The following CTNNA2 variants were observed in gnomAD, a reference collection of about 807,000 sequenced individuals.
The protein encoded by CTNNA2 is catenin alpha 2, also known as catenin alpha-2.
A neutral mutation model predicts 101.0 loss-of-function variants in CTNNA2; 42 were observed. The observed-to-expected ratio is 0.42, with a 90% CI of 0.32 to 0.54. The LOEUF (loss-of-function observed/expected upper bound fraction) is 0.54. Ranked by LOEUF, CTNNA2 falls within the 20% of genes least tolerant of loss-of-function variation. The pLI is 0.14. For synonymous variants in CTNNA2, 450 were observed against 456.4 expected, an observed-to-expected ratio of 0.99 and a Z score of 0.18; for missense variants, 871 against 1,223.1, an observed-to-expected ratio of 0.71 and a Z score of 4.29.
chr2:80,241,300 G>A (rs907484210), intron 7 of CTNNA2, among the ~76,000 whole-genome samples: 2 of 151,420 alleles, frequency 1.3e-5, no homozygotes, highest in African/African-American at 2.4e-5. Context: ...AGACATATAG[G>A]TTAAACAAAA....
chr2:80,040,761 A>G (rs1287076572), intron 7 of CTNNA2, among the ~76,000 whole-genome samples: 2 of 152,202 alleles, frequency 1.3e-5, no homozygotes, highest in African/African-American at 2.4e-5. Context: ...TACTGTCTCA[A>G]TGATTTTGTG....
At chr2:80,516,123 C>T (rs1222850600) in intron 9 of CTNNA2, among the ~76,000 whole-genome samples, 1 of 152,046 alleles carries the variant, frequency 6.6e-6, no homozygotes, top group Non-Finnish European at 1.5e-5. Context: ...TGAAGCCACC[C>T]AAGCTTAACA....
At chr2:80,274,422 C>T (rs1388238156) in intron 7 of CTNNA2, among the ~76,000 whole-genome samples, 1 of 152,158 alleles carries the variant, frequency 6.6e-6, no homozygotes, top group African/African-American at 2.4e-5. Flanking sequence ...TAATTAAAAG[C>T]CCAGTTCGCT....
At chr2:79,628,140 A>G (rs1573513089) in intron 1 of CTNNA2, among the ~76,000 whole-genome samples, 1 of 152,286 alleles carries the variant, frequency 6.6e-6, no homozygotes, top group East Asian at 1.9e-4. Flanking sequence ...CGTGTTTTTT[A>G]AACACTCACA....
At chr2:80,423,304 G>A (rs1680698751) in intron 9 of CTNNA2, among the ~76,000 whole-genome samples, 1 of 151,880 alleles carries the variant, frequency 6.6e-6, no homozygotes, top group Non-Finnish European at 1.5e-5. Context: ...TTTTAGTGCT[G>A]TACTCATTTA....
chr2:79,228,888 G>T (rs1674455041), intron 2 of CTNNA2, among the ~76,000 whole-genome samples: 1 of 151,798 alleles, frequency 6.6e-6, no homozygotes, highest in Non-Finnish European at 1.5e-5. Flanking sequence ...TAGTTTAGGG[G>T]GTATTACATT....
chr2:80,028,583 AC>A (rs1695088780), intron 7 of CTNNA2, among the ~76,000 whole-genome samples: 1 of 152,346 alleles, frequency 6.6e-6, no homozygotes, highest in Non-Finnish European at 1.5e-5. Flanking sequence ...AACAGGTGAC[AC>A]CTGTAATATA....
chr2:80,289,994 C>T (rs1675100283), intron 7 of CTNNA2, among the ~76,000 whole-genome samples: 1 of 152,174 alleles, frequency 6.6e-6, no homozygotes, highest in African/African-American at 2.4e-5. Flanking sequence ...AACCACAGAG[C>T]TTGGGTTCTC....
chr2:80,035,985 T>C (rs1236122163), intron 7 of CTNNA2, among the ~76,000 whole-genome samples: 1 of 152,214 alleles, frequency 6.6e-6, no homozygotes, highest in Admixed American at 6.5e-5. Context: ...GTAATCTACA[T>C]GAGCCACAGC....
intron 4 of CTNNA2, among the ~76,000 whole-genome samples, chr2:79,487,392 T>C (rs534444574): frequency 2.6e-5 from 4 of 152,348 alleles, no homozygotes; most frequent in Non-Finnish European, 4.4e-5. Context: ...TCCCTAGCCT[T>C]GAATCAGTGG....
chr2:79,942,341 A>C (rs1688216321), intron 7 of CTNNA2, among the ~76,000 whole-genome samples: 2 of 152,198 alleles, frequency 1.3e-5, no homozygotes, highest in South Asian at 4.1e-4. Context: ...TCAGGTTACC[A>C]GGTCCATGGC....
intron 4 of CTNNA2, among the ~76,000 whole-genome samples, chr2:79,407,297 T>C (rs1383475478): frequency 2.6e-5 from 4 of 152,094 alleles, no homozygotes; most frequent in African/African-American, 7.2e-5. Context: ...AATCCCATTT[T>C]ACAACCAGGA....
At chr2:79,724,814 CA>C (rs60016527) in intron 2 of CTNNA2, among the ~76,000 whole-genome samples, 7,962 of 73,916 alleles carry the variant, frequency 0.11, 116 homozygotes, top group African/African-American at 0.17. Context: ...GACTCCACCT[CA>C]AAAAAAAAAA....
At chr2:80,060,367 G>A (rs894374782) in intron 7 of CTNNA2, among the ~76,000 whole-genome samples, 22 of 152,192 alleles carry the variant, frequency 1.4e-4, no homozygotes, top group Non-Finnish European at 1.0e-4. Context: ...GGTTCTGGCG[G>A]CAACTTTGCC....
At chr2:79,963,485 A>G (rs926014867) in intron 7 of CTNNA2, among the ~76,000 whole-genome samples, 1 of 152,176 alleles carries the variant, frequency 6.6e-6, no homozygotes. Flanking sequence ...CTGAAACCAC[A>G]AAATGCATCT....
At position 80,329,506 on chromosome 2, in the gene CTNNA2, A is replaced by C. The variant is rs547254859; in HGVS notation, c.1057-63705A>C. On this transcript the variant is annotated intron_variant, in intron 7 of 18. Transcript: ENST00000402739. Reference sequence around the variant, plus strand: ...GTAGTTTTGGTCAAAGAGCAGACACATGGGAATAAGGAAGTCATCCTGTGG... The same window carrying C: ...GTAGTTTTGGTCAAAGAGCAGACACCTGGGAATAAGGAAGTCATCCTGTGG... Among the ~76,000 whole-genome samples the C allele has an allele frequency of 6.6e-5, 10 of 152,324 alleles. No individual in the cohort carries two copies. The South Asian group carries it at 2.1e-3, about 32-fold the overall frequency.
intron 1 of CTNNA2, among the ~76,000 whole-genome samples, chr2:79,531,717 T>C (rs889155477): frequency 6.6e-6 from 1 of 151,810 alleles, no homozygotes; most frequent in African/African-American, 2.4e-5. Context: ...AGTCTCACTC[T>C]GTTGCCCAGG....
At chr2:79,951,208 A>G (rs1688855601) in intron 7 of CTNNA2, among the ~76,000 whole-genome samples, 2 of 152,328 alleles carry the variant, frequency 1.3e-5, no homozygotes, top group Admixed American at 1.3e-4. Context: ...ATAGTTCTTA[A>G]TTTAGCCATA....
rs1685651976 is a variant in CTNNA2, at chr2:79,909,602, T to C, written c.861T>C (p.Ile287=). ...GTGTGTGATACTTTCAGAATAAGATTATCCTGGACCCCATGACGTTCAGCG... is the reference window on the plus strand; with the variant it reads ...GTGTGTGATACTTTCAGAATAAGATCATCCTGGACCCCATGACGTTCAGCG... The part of the protein sequence containing the change: ...AAALNEFDNK[I]ILDPMTFSEA... The change falls in exon 7 of 19, where the codon ATT becomes ATC. Residue 287 remains isoleucine (I), a synonymous_variant. Transcript: ENST00000402739. 1.9e-6 allele frequency: 3 copies of C among 1,606,260 alleles called. No homozygotes were observed. The highest frequency in any genetic ancestry group is 2.6e-6 in the Non-Finnish European group (3 of 1,174,092).
Sources: allele counts gnomAD v4.1 joint callset (sites outside exome capture counted in the v4.1 genomes callset), GRCh38; gene constraint gnomAD v4.1.1; transcripts MANE v1.5; gene names NCBI Gene and HGNC (gene_info 2026-07-23, HGNC 2026-07-21).